BZW2: variants seen among roughly 807,000 people sequenced by gnomAD.
The protein encoded by BZW2 is basic leucine zipper and W2 domains 2, also known as eIF5-mimic protein 1.
In BZW2, 23 loss-of-function variants were observed where a neutral mutation model predicts 53.2. The observed-to-expected ratio is 0.43, with a 90% CI of 0.31 to 0.61. The LOEUF is 0.61. Ranked by LOEUF, BZW2 falls within the 20% of genes least tolerant of loss-of-function variation. BZW2 has a pLI of 0.09. For missense variants in BZW2, 409 were observed against 503.1 expected (o/e 0.81, Z 1.79); for synonymous variants, 227 against 186.4 (o/e 1.22, Z -1.77).
chr7:16,649,458 G>T (rs915060432), intron 1 of BZW2, among the ~76,000 whole-genome samples: 11 of 152,182 alleles, frequency 7.2e-5, no homozygotes, highest in African/African-American at 2.7e-4. Context: ...TTGACATTCT[G>T]ATGAATGCTA....
In BZW2 at chr7:16,689,925, A is replaced by T; in HGVS notation, c.651+19A>T. ...GCTGCTTGTAAGTGTTTTCTGGTTA[A>T]AGAGTTGTATGTATGATGCCTTTCT... On this transcript the variant is annotated intron_variant, in intron 7 of 11. Coordinates refer to ENST00000258761, the MANE Select transcript of BZW2 (RefSeq NM_014038.3). The T allele has an allele frequency of 6.3e-7, 1 of 1,593,760 alleles. No homozygotes were observed. Among genetic ancestry groups the T allele is most frequent in the Non-Finnish European group, 8.6e-7 (1 of 1,165,422 alleles).
intron 10 of BZW2, among the ~76,000 whole-genome samples, chr7:16,699,784 G>A (rs73067639): frequency 0.029 from 4,339 of 152,164 alleles, 231 homozygotes; most frequent in African/African-American, 0.099. Flanking sequence ...AACCACTAAT[G>A]CCAACCTCCT....
intron 10 of BZW2, among the ~76,000 whole-genome samples, chr7:16,700,312 C>G (rs1220521444): frequency 6.6e-6 from 1 of 152,168 alleles, no homozygotes; most frequent in African/African-American, 2.4e-5. Flanking sequence ...AAGAGCGTTA[C>G]TGTGTTAACT....
At chr7:16,700,685 G>T (rs1255470251) in intron 10 of BZW2, 1 of 152,164 alleles carries the variant, frequency 6.6e-6, no homozygotes, top group African/African-American at 2.4e-5. Context: ...AGAAGCAACA[G>T]ATGCTATGAA....
intron 10 of BZW2, 35 bp downstream of exon 10, chr7:16,698,221 T>A (rs1354634093): frequency 6.2e-7 from 1 of 1,612,874 alleles, no homozygotes; most frequent in Admixed American, 1.7e-5. Flanking sequence ...TGCTTCTGTG[T>A]TTTGCTGAAG....
chr7:16,671,489 T>C (rs1179215064), intron 2 of BZW2, among the ~76,000 whole-genome samples: 6 of 152,222 alleles, frequency 3.9e-5, no homozygotes, highest in African/African-American at 1.4e-4. Flanking sequence ...TGAAATGTCC[T>C]TTCACCATTA....
Position 16,685,931 on chromosome 7 carries a change from C to A in BZW2, c.432C>A (p.Ser144=). Residue 144 remains serine, a synonymous_variant, in exon 6 of 12, where the codon TCC becomes TCA. Transcript: ENST00000258761. ...KKLLLFLKAF[S]ETEQTKLAML... is the part of the protein sequence containing the mutation. The stretch of plus-strand genomic sequence containing the variant: ...TTCTCCTCTTCCTTAAAGCCTTTTC[C>A]GAAACAGAGCAGACAAAGTTGGCGA... 1 of 1,544,950 alleles carries A rather than the reference C, an allele frequency of 6.5e-7. No individual in the cohort carries two copies. Among genetic ancestry groups the A allele is most frequent in the East Asian group, 2.4e-5 (1 of 41,548 alleles).
chr7:16,646,369 G>C (rs34841401), intron 1 of BZW2, 81 bp downstream of exon 1: 11,771 of 163,686 alleles, frequency 0.072, 510 homozygotes, highest in South Asian at 0.12. Context: ...GGTTTCCATC[G>C]GGCAGGAGCT....
chr7:16,681,476 C>A (rs1197456134), intron 4 of BZW2, 72 bp downstream of exon 4: 2 of 1,236,636 alleles, frequency 1.6e-6, no homozygotes, highest in African/African-American at 3.0e-5. Flanking sequence ...CTACAGTCCA[C>A]CCACTTTTTA....
chr7:16,704,289 T>A (rs1202565965), intron 10 of BZW2, among the ~76,000 whole-genome samples: 3 of 152,190 alleles, frequency 2.0e-5, no homozygotes. Context: ...GATTTCCAAG[T>A]CCTAGTAGTG....
intron 10 of BZW2, among the ~76,000 whole-genome samples, chr7:16,703,087 G>C (rs950445873): frequency 6.6e-6 from 1 of 152,112 alleles, no homozygotes; most frequent in Non-Finnish European, 1.5e-5. Context: ...ACAACTGCCT[G>C]CTCCTCAGCT....
chr7:16,672,824 C>T (rs1782646288), intron 2 of BZW2, among the ~76,000 whole-genome samples: 1 of 152,214 alleles, frequency 6.6e-6, no homozygotes, highest in Non-Finnish European at 1.5e-5. Context: ...AAACTCTTTC[C>T]AAACCCAAAC....
At chr7:16,683,131 G>A (rs2128362454) in intron 5 of BZW2, among the ~76,000 whole-genome samples, 1 of 152,246 alleles carries the variant, frequency 6.6e-6, no homozygotes, top group East Asian at 1.9e-4. Flanking sequence ...GGGCAGCAGA[G>A]GCTTCAGTAA....
In BZW2 at chr7:16,696,951, G is replaced by C; in HGVS notation, c.859G>C (p.Asp287His). 6.2e-7 allele frequency: 1 copy of C among 1,614,104 alleles called. No homozygotes were observed. Among genetic ancestry groups the C allele is most frequent in the Non-Finnish European group, 8.5e-7 (1 of 1,179,982 alleles). Residue 287 changes from aspartate to histidine, a missense_variant, in exon 9 of 12, where the codon GAT becomes CAT. This residue lies in a region of BZW2 where 316 missense variants were observed against 366.8 expected (regional missense o/e 0.86). Coordinates refer to ENST00000258761, the MANE Select transcript of BZW2 (RefSeq NM_014038.3). Reference sequence around the variant, plus strand: ...TGTCAAAGAAGAAATGAAGAGGAATGATCTTCCAGAAACAGCAGTGATTGG... The same window carrying C: ...TGTCAAAGAAGAAATGAAGAGGAATCATCTTCCAGAAACAGCAGTGATTGG... ...LYVKEEMKRNDLPETAVIGLL... is the reference protein window; with the variant it reads ...LYVKEEMKRNHLPETAVIGLL...
intron 11 of BZW2, 49 bp from the exon 12 acceptor site, chr7:16,706,011 A>T (rs1783843536): frequency 6.2e-7 from 1 of 1,610,160 alleles, no homozygotes; most frequent in African/African-American, 1.3e-5. Flanking sequence ...TTTTGACCTT[A>T]ATTAGAGGAA....
At chr7:16,683,851 C>T (rs1160306004) in intron 5 of BZW2, among the ~76,000 whole-genome samples, 1 of 152,134 alleles carries the variant, frequency 6.6e-6, no homozygotes, top group Admixed American at 6.5e-5. Context: ...TACTTACTTA[C>T]TCTCCCCGCT....
intron 10 of BZW2, among the ~76,000 whole-genome samples, chr7:16,704,109 AAAG>A (rs1379125341): frequency 2.6e-5 from 4 of 152,200 alleles, no homozygotes; most frequent in Non-Finnish European, 5.9e-5. Context: ...TCTCCTAAAA[AAAG>A]AAAATCCCAA....
chr7:16,659,593 C>T (rs1782199944), intron 1 of BZW2, among the ~76,000 whole-genome samples: 1 of 151,876 alleles, frequency 6.6e-6, no homozygotes, highest in African/African-American at 2.4e-5. Context: ...TTAATTTTAG[C>T]ATTAATGGAA....
chr7:16,685,598 A>G (rs893159229), intron 5 of BZW2, among the ~76,000 whole-genome samples: 5 of 152,234 alleles, frequency 3.3e-5, no homozygotes, highest in Non-Finnish European at 7.3e-5. Flanking sequence ...TTGCATGCAC[A>G]TAGTCAAACA....
Sources: gnomAD v4.1 joint callset for allele counts (sites outside exome capture counted in the v4.1 genomes callset) on GRCh38, gnomAD v4.1.1 for gene constraint, gnomAD v4.1.1 regional missense constraint, MANE v1.5 for transcripts, NCBI Gene and HGNC (gene_info 2026-07-23, HGNC 2026-07-21) for gene names.